LOXHD1: variants seen among roughly 807,000 people sequenced by gnomAD.
The protein encoded by LOXHD1 is lipoxygenase homology PLAT domains 1.
Under a neutral mutation model 248.2 loss-of-function variants are expected in LOXHD1, and 205 were observed. The observed-to-expected ratio is 0.83, with a 90% CI of 0.74 to 0.93. The LOEUF (loss-of-function observed/expected upper bound fraction) is 0.93. Ranked by LOEUF, LOXHD1 falls within the 40% of genes least tolerant of loss-of-function variation. The probability of loss-of-function intolerance (pLI) is 0.00; values close to 1 mark genes in which losing one functional copy is unlikely to be tolerated. For missense variants in LOXHD1, 2,930 were observed against 2,971.6 expected, an observed-to-expected ratio of 0.99 and a Z score of 0.33; for synonymous variants, 1,113 against 1,162.8, an observed-to-expected ratio of 0.96 and a Z score of 0.87.
At chr18:46,509,531 T>G in intron 35 of LOXHD1, 167 bp downstream of exon 35, 1 of 679,808 alleles carries the variant, frequency 1.5e-6, no homozygotes, top group Non-Finnish European at 2.7e-6. Flanking sequence ...AACGACATTC[T>G]CTGATTAATT....
At chr18:46,563,483 C>T (rs2037571677) in intron 17 of LOXHD1, among the ~76,000 whole-genome samples, 1 of 152,174 alleles carries the variant, frequency 6.6e-6, no homozygotes, top group Non-Finnish European at 1.5e-5. Context: ...TCATCCTCTG[C>T]ACCACACGCA....
At chr18:46,531,505 T>C (rs2036067253) in intron 28 of LOXHD1, among the ~76,000 whole-genome samples, 1 of 152,182 alleles carries the variant, frequency 6.6e-6, no homozygotes, top group South Asian at 2.1e-4. Context: ...GGGACACCTT[T>C]TCTAGGAGCC....
chr18:46,548,232 A>T (rs1311925962), intron 21 of LOXHD1, among the ~76,000 whole-genome samples: 2 of 103,644 alleles, frequency 1.9e-5, no homozygotes, highest in Non-Finnish European at 4.1e-5. Context: ...AGTTGGGGCC[A>T]TTCCACCCTC....
chr18:46,534,320 C>G lies in LOXHD1; in HGVS notation c.4212+15G>C, dbSNP rs750291402. ...GGACAAAAGAAACAGCAGGACAGAC[C>G]AGTCAACAACTCACGTCTTTATCCG... is the stretch of plus-strand genomic sequence containing the variant. On this transcript the variant is annotated intron_variant, in intron 27 of 40. Transcript: ENST00000642948. The G allele has an allele frequency of 6.5e-7, 1 of 1,533,900 alleles. No homozygotes were observed. The highest frequency in any genetic ancestry group is 1.2e-5 in the South Asian group (1 of 83,668).
At position 46,656,919 on chromosome 18, in the gene LOXHD1, ACTCGTGTTCCAGCTCCCC is replaced by A; in HGVS notation, c.97_114del (p.Gly33_Glu38del). On this transcript the variant is annotated inframe_deletion, in exon 1 of 41. Coordinates refer to ENST00000642948, the MANE Select transcript of LOXHD1 (RefSeq NM_001384474.1). ...GACCCCGCACCTCTGGCCTTGTAGT[ACTCGTGTTCCAGCTCCCC>A]CTCGTCGTCCTCCGAGGCGTAGTTC... 1 of 1,551,270 alleles carries A rather than the reference ACTCGTGTTCCAGCTCCCC, an allele frequency of 6.4e-7. No individual in the cohort carries two copies. The highest frequency in any genetic ancestry group is 8.7e-7 in the Non-Finnish European group (1 of 1,146,830).
intron 16 of LOXHD1, among the ~76,000 whole-genome samples, chr18:46,567,636 C>T (rs2037669957): frequency 6.6e-6 from 1 of 152,218 alleles, no homozygotes; most frequent in African/African-American, 2.4e-5. Flanking sequence ...TACAACACTT[C>T]ACACCTGACA....
Position 46,477,533 on chromosome 18 carries a change from C to A in LOXHD1, c.6761G>T (p.Arg2254Met). ...TGVATIFNCG[R>M]WLDKKRGDGL... ...ATCCCCCCGCTTCTTGTCCAGCCACCTGCCACAGTTGAAGATGGTGGCCAC... is the reference window on the plus strand; with the variant it reads ...ATCCCCCCGCTTCTTGTCCAGCCACATGCCACAGTTGAAGATGGTGGCCAC... The change falls in exon 41 of 41, where the codon AGG (arginine) becomes ATG (methionine). Residue 2254 changes from arginine to methionine, a missense_variant. Physicochemically the swap from Arg to Met is moderately conservative, Grantham distance 91 (BLOSUM62 -1). Coordinates refer to ENST00000642948, the MANE Select transcript of LOXHD1 (RefSeq NM_001384474.1). 1 of 1,551,506 alleles carries A rather than the reference C, an allele frequency of 6.4e-7. No homozygotes were observed. The highest frequency in any genetic ancestry group is 2.4e-5 in the East Asian group (1 of 40,918).
rs2038190062 is a variant in LOXHD1 at position 46,592,514 on chromosome 18, C to G, written c.1502G>C (p.Gly501Ala). The change falls in exon 11 of 41, where the codon GGA becomes GCA. Residue 501 changes from glycine (G) to alanine (A), a missense_variant. By Grantham distance (60) the Gly-to-Ala change is moderately conservative. Coordinates refer to ENST00000642948, the MANE Select transcript of LOXHD1 (RefSeq NM_001384474.1). ...GCATCTCACCCTTTCTAAATGCCAT[C>G]CAGAACCAGAACTCCTTTTATCATG... ...VWHDKRSSGS[G>A]WHLERMTLMN... 6.4e-7 allele frequency: 1 copy of G among 1,551,554 alleles called. No homozygotes were observed. Among genetic ancestry groups the G allele is most frequent in the East Asian group, 2.4e-5 (1 of 40,916 alleles).
intron 39 of LOXHD1, among the ~76,000 whole-genome samples, 162 bp downstream of exon 39, chr18:46,484,857 C>T (rs1174619623): frequency 1.3e-5 from 2 of 152,108 alleles, no homozygotes; most frequent in African/African-American, 2.4e-5. Context: ...GCCTGTTTAG[C>T]CCCTGGGTGC....
intron 4 of LOXHD1, among the ~76,000 whole-genome samples, chr18:46,621,909 C>T (rs2038674256): frequency 6.6e-6 from 1 of 152,204 alleles, no homozygotes; most frequent in Non-Finnish European, 1.5e-5. Flanking sequence ...AAGGCATTTG[C>T]AGCTAACAAG....
intron 8 of LOXHD1, among the ~76,000 whole-genome samples, chr18:46,597,003 G>T (rs2038266620): frequency 6.6e-6 from 1 of 152,176 alleles, no homozygotes; most frequent in Non-Finnish European, 1.5e-5. Flanking sequence ...TTAGATGCAA[G>T]AAGAAGTGAC....
chr18:46,525,064 C>A, intron 29 of LOXHD1, 147 bp from the exon 30 acceptor site: 2 of 868,636 alleles, frequency 2.3e-6, no homozygotes, highest in Non-Finnish European at 1.8e-6. Context: ...CCCAAATCCC[C>A]AACACCGAGC....
intron 3 of LOXHD1, among the ~76,000 whole-genome samples, chr18:46,640,095 C>T (rs911014010): frequency 1.3e-5 from 2 of 152,182 alleles, no homozygotes; most frequent in African/African-American, 2.4e-5. Context: ...TGATCTTCCC[C>T]TTTGAGGTCC....
chr18:46,586,263 A>G (rs993591826), intron 12 of LOXHD1, among the ~76,000 whole-genome samples: 3 of 152,194 alleles, frequency 2.0e-5, no homozygotes, highest in Non-Finnish European at 4.4e-5. Context: ...GGGAAATGGG[A>G]ATGACTGCTA....
intron 40 of LOXHD1, among the ~76,000 whole-genome samples, chr18:46,478,756 G>A (rs1396732918): frequency 6.6e-6 from 1 of 152,026 alleles, no homozygotes; most frequent in Admixed American, 6.6e-5. Flanking sequence ...GCAATGGCGC[G>A]ATCATAGCTC....
At chr18:46,565,099 A>C (rs2037611563) in intron 17 of LOXHD1, among the ~76,000 whole-genome samples, 1 of 152,052 alleles carries the variant, frequency 6.6e-6, no homozygotes, top group Non-Finnish European at 1.5e-5. Context: ...CCCCATCTCT[A>C]CTAAAAATAC....
chr18:46,545,670 C>T (rs2036781714), intron 22 of LOXHD1, among the ~76,000 whole-genome samples: 1 of 124,124 alleles, frequency 8.1e-6, no homozygotes, highest in Non-Finnish European at 1.6e-5. Context: ...CGCTCTGTCG[C>T]CCAGGCTGGA....
At chr18:46,639,362 C>T (rs1180129796) in intron 4 of LOXHD1, among the ~76,000 whole-genome samples, 3 of 152,224 alleles carry the variant, frequency 2.0e-5, no homozygotes, top group Non-Finnish European at 4.4e-5. Context: ...CAGGGCTGTG[C>T]CTATCCTTCC....
intron 8 of LOXHD1, among the ~76,000 whole-genome samples, chr18:46,597,719 G>C (rs1301450303): frequency 6.6e-6 from 1 of 151,872 alleles, no homozygotes; most frequent in Non-Finnish European, 1.5e-5. Flanking sequence ...GTACAAGAAA[G>C]GAATAAGGGG....
Sources: gnomAD v4.1 joint callset for allele counts (sites outside exome capture counted in the v4.1 genomes callset) on GRCh38, gnomAD v4.1.1 for gene constraint, MANE v1.5 for transcripts, NCBI Gene and HGNC (gene_info 2026-07-23, HGNC 2026-07-21) for gene names.